Variants in SLC38A4 observed in about 807,000 individuals in gnomAD.
SLC38A4 encodes the protein sodium-coupled neutral amino acid transporter 4.
In SLC38A4, 20 loss-of-function variants were observed where a neutral mutation model predicts 63.1. The ratio of observed to expected loss-of-function variants is 0.32; its 90% confidence interval spans 0.22 to 0.46. The LOEUF (loss-of-function observed/expected upper bound fraction) is 0.46. SLC38A4 is among the 20% of genes least tolerant of loss of function. SLC38A4 has a pLI of 1.00. For synonymous variants in SLC38A4, 230 were observed against 225.5 expected, an observed-to-expected ratio of 1.02 and a Z score of -0.18; for missense variants, 526 against 663.6, an observed-to-expected ratio of 0.79 and a Z score of 2.28.
chr12:46,787,817 C>G (rs1592183062), intron 5 of SLC38A4, 99 bp downstream of exon 5: 1 of 831,218 alleles, frequency 1.2e-6, no homozygotes, highest in East Asian at 2.7e-5. Context: ...TCCTCTGAGT[C>G]TTCACGTTCA....
chr12:46,778,633 C>T lies in SLC38A4; in HGVS notation c.861G>A (p.Met287Ile). The T allele has an allele frequency of 1.9e-6, 3 of 1,612,958 alleles. No homozygotes were observed. Among genetic ancestry groups the T allele is most frequent in the Non-Finnish European group, 2.5e-6 (3 of 1,179,390 alleles). The change falls in exon 11 of 17, where the codon ATG becomes ATA. Residue 287 changes from methionine (M) to isoleucine (I), a missense_variant. Met to Ile is a conservative substitution (Grantham distance 10). Transcript: ENST00000266579. ...CTGCAGGATTGCGGTGGGTGTAATCCATCATGAAGTTCACATCAGAACTCT... is the reference window on the plus strand; with the variant it reads ...CTGCAGGATTGCGGTGGGTGTAATCTATCATGAAGTTCACATCAGAACTCT... ...NSESSDVNFM[M>I]DYTHRNPAGL...
chr12:46,807,734 GCACTT>G (rs1939261943), intron 1 of SLC38A4, among the ~76,000 whole-genome samples: 1 of 151,948 alleles, frequency 6.6e-6, no homozygotes, highest in African/African-American at 2.4e-5. Flanking sequence ...GGGGAGTCAA[GCACTT>G]CTATACCTGA....
At chr12:46,817,717 C>T (rs1178422383) in intron 1 of SLC38A4, among the ~76,000 whole-genome samples, 1 of 151,778 alleles carries the variant, frequency 6.6e-6, no homozygotes, top group Non-Finnish European at 1.5e-5. Context: ...CTGGGTCTTA[C>T]TCTTTTTCTC....
In SLC38A4 at chr12:46,775,177, C is replaced by T. The variant is rs770458990; in HGVS notation, c.1175-4G>A. The T allele has an allele frequency of 1.2e-6, 2 of 1,609,986 alleles. No homozygotes were observed. Among genetic ancestry groups the T allele is most frequent in the Non-Finnish European group, 1.7e-6 (2 of 1,177,922 alleles). On this transcript the variant is annotated splice_polypyrimidine_tract_variant and splice_region_variant and intron_variant, in intron 13 of 16. Coordinates refer to ENST00000266579, the MANE Select transcript of SLC38A4 (RefSeq NM_018018.5). ...AGTAATTCATCTTCAACTTCTCCTA[C>T]AACAGGAAAAAGAGAATGAAACCGC...
chr12:46,817,258 T>C (rs532866179), intron 1 of SLC38A4, among the ~76,000 whole-genome samples: 1 of 151,980 alleles, frequency 6.6e-6, no homozygotes, highest in East Asian at 1.9e-4. Flanking sequence ...CTCATACGAC[T>C]TTGTTGTAGA....
intron 2 of SLC38A4, among the ~76,000 whole-genome samples, chr12:46,802,440 A>T (rs1288607802): frequency 2.6e-5 from 4 of 151,958 alleles, no homozygotes; most frequent in African/African-American, 9.7e-5. Flanking sequence ...CTTTAAACTA[A>T]CTCACATAAC....
At chr12:46,795,346 C>T (rs141583990) in intron 2 of SLC38A4, among the ~76,000 whole-genome samples, 1 of 152,190 alleles carries the variant, frequency 6.6e-6, no homozygotes, top group African/African-American at 2.4e-5. Flanking sequence ...TGTTTCTAAA[C>T]ATGGAAAACC....
chr12:46,779,577 C>T lies in SLC38A4; in HGVS notation c.717+34G>A, dbSNP rs770189808. ...TAGGCACAAAAAAACTCATGCTAAC[C>T]AACCTGCAAGGATCATGTCATCACA... On this transcript the variant is annotated intron_variant, in intron 10 of 16. Coordinates refer to ENST00000266579, the MANE Select transcript of SLC38A4 (RefSeq NM_018018.5). 11 of 1,563,256 alleles carry T rather than the reference C, an allele frequency of 7.0e-6. No homozygotes were observed. In the South Asian group the frequency reaches 8.5e-5, roughly 12 times the overall value.
At chr12:46,780,096 G>A (rs1316164726) in intron 7 of SLC38A4, 66 bp from the exon 8 acceptor site, 2 of 1,219,014 alleles carry the variant, frequency 1.6e-6, no homozygotes, top group African/African-American at 3.0e-5. Flanking sequence ...AGCAAGTTAT[G>A]ACATTTGGGA....
At chr12:46,769,488 T>C in intron 14 of SLC38A4, 60 bp from the exon 15 acceptor site, 1 of 1,539,072 alleles carries the variant, frequency 6.5e-7, no homozygotes, top group Non-Finnish European at 8.9e-7. Flanking sequence ...ATCTATTACT[T>C]CAAATATTCT....
chr12:46,776,879 G>T, intron 13 of SLC38A4, 25 bp downstream of exon 13: 1 of 1,598,176 alleles, frequency 6.3e-7, no homozygotes, highest in Non-Finnish European at 8.6e-7. Flanking sequence ...TTTGCATATA[G>T]AGAATGACTT....
upstream of SLC38A4, among the ~76,000 whole-genome samples, chr12:46,826,810 A>C (rs1939662663): frequency 2.0e-5 from 3 of 152,374 alleles, no homozygotes; most frequent in Non-Finnish European, 4.4e-5. Flanking sequence ...AATCATGCAA[A>C]TTAAGTAAAC....
Position 46,778,775 on chromosome 12 carries a change from A to T in SLC38A4, c.719T>A (p.Val240Glu), listed in dbSNP as rs1313443532. ...LTCMVFFVSV[V>E]IYKKFQIPCP... is the part of the protein sequence containing the mutation. ...GGGTATTTGGAATTTCTTGTAAATC[A>T]CCTAGACTCAGTCATTAAAAAAGAA... is the stretch of plus-strand genomic sequence containing the variant. The change falls in exon 11 of 17, where the codon GTG (valine) becomes GAG (glutamate). Residue 240 changes from valine to glutamate, a missense_variant and splice_region_variant. By Grantham distance (121) the Val-to-Glu change is moderately radical (BLOSUM62 -2). Coordinates refer to ENST00000266579, the MANE Select transcript of SLC38A4 (RefSeq NM_018018.5). 1 of 1,608,386 alleles carries T rather than the reference A, an allele frequency of 6.2e-7. No individual in the cohort carries two copies. The highest frequency in any genetic ancestry group is 8.5e-7 in the Non-Finnish European group (1 of 1,176,378).
intron 1 of SLC38A4, among the ~76,000 whole-genome samples, chr12:46,805,906 G>A (rs936159467): frequency 1.3e-5 from 2 of 151,852 alleles, no homozygotes; most frequent in African/African-American, 2.4e-5. Flanking sequence ...TAGGGGCTGG[G>A]GGTAAGATAC....
rs940551062 is a variant in SLC38A4 at position 46,766,471 on chromosome 12, C to G, written c.*230G>C. On this transcript the variant is annotated 3_prime_UTR_variant, in exon 17 of 17. Transcript: ENST00000266579. ...ATCATCTCACACTGCTCTAGCAAAA[C>G]CTGGGTAGAAATGTGCACCACAGGT... 2 of 627,044 alleles carry G rather than the reference C, an allele frequency of 3.2e-6. No homozygotes were observed. Among genetic ancestry groups the G allele is most frequent in the Non-Finnish European group, 5.9e-6 (2 of 336,730 alleles). The allele number at this position is 627,044 out of a possible 1,614,324, so 38.8% of individuals were successfully genotyped here.
At chr12:46,812,022 C>T (rs142874484) in intron 1 of SLC38A4, among the ~76,000 whole-genome samples, 1 of 152,088 alleles carries the variant, frequency 6.6e-6, no homozygotes, top group Non-Finnish European at 1.5e-5. Context: ...ATTTTAAAAT[C>T]CACCTAAGTG....
chr12:46,782,748 A>G (rs1938669026), intron 7 of SLC38A4, among the ~76,000 whole-genome samples: 1 of 151,304 alleles, frequency 6.6e-6, no homozygotes, highest in Non-Finnish European at 1.5e-5. Flanking sequence ...ACCTTATTTC[A>G]TCCTCACAAT....
intron 12 of SLC38A4, 151 bp downstream of exon 12, chr12:46,778,138 C>CT (rs1309182491): frequency 2.9e-6 from 2 of 695,044 alleles, no homozygotes; most frequent in African/African-American, 3.6e-5. Context: ...TGATTCCCAC[C>CT]TTTCTGATTA....
rs1938268127 is a variant in SLC38A4 at position 46,765,043 on chromosome 12, T to G, written c.*1658A>C. On this transcript the variant is annotated 3_prime_UTR_variant, in exon 17 of 17. Coordinates refer to ENST00000266579, the MANE Select transcript of SLC38A4 (RefSeq NM_018018.5). The stretch of plus-strand genomic sequence containing the variant: ...AGATACCTTTTTCCACTTTTTATTT[T>G]TGTATACTTTTTAGATGAGTGAAAA... 1 of 152,674 alleles carries G rather than the reference T, an allele frequency of 6.5e-6. No homozygotes were observed. The highest frequency in any genetic ancestry group is 2.1e-4 in the South Asian group (1 of 4,838). 9.5% of individuals were successfully genotyped at this position (152,674 alleles called of 1,614,324 possible).
Sources: allele counts gnomAD v4.1 joint callset (sites outside exome capture counted in the v4.1 genomes callset), GRCh38; gene constraint gnomAD v4.1.1; transcripts MANE v1.5; gene names NCBI Gene and HGNC (gene_info 2026-07-23, HGNC 2026-07-21).